GET1: variants seen among roughly 807,000 people sequenced by gnomAD.
GET1 encodes the protein congenital heart disease 5 protein.
GET1 carries 20 observed loss-of-function variants against 22.6 expected under a neutral mutation model. The ratio of observed to expected loss-of-function variants is 0.89; its 90% CI spans 0.62 to 1.29. The LOEUF is 1.29. GET1 is among the 50% of genes most tolerant of loss of function. GET1 has a pLI of 0.00. For missense variants in GET1, 209 were observed against 219.9 expected, an observed-to-expected ratio of 0.95 and a Z score of 0.31; for synonymous variants, 92 against 83.8, an observed-to-expected ratio of 1.10 and a Z score of -0.53.
chr21:39,424,011 G>A (rs1055982812), intron 1 of GET1, among the ~76,000 whole-genome samples: 7 of 151,964 alleles, frequency 4.6e-5, no homozygotes, highest in Admixed American at 3.3e-4. Context: ...TTTTTTAAAT[G>A]TTTATTTTTA....
intron 4 of GET1, among the ~76,000 whole-genome samples, chr21:39,403,015 C>CT (rs1355854931): frequency 1.3e-5 from 2 of 152,170 alleles, no homozygotes; most frequent in African/African-American, 4.8e-5. Context: ...ACGATGTGTG[C>CT]TTTCATTGTG....
chr21:39,388,601 C>T (rs184698055), intron 1 of GET1, among the ~76,000 whole-genome samples: 4 of 152,322 alleles, frequency 2.6e-5, no homozygotes, highest in Admixed American at 2.6e-4. Flanking sequence ...GCTGTGTTCT[C>T]ATTGTGTCTC....
intron 1 of GET1, among the ~76,000 whole-genome samples, chr21:39,385,026 C>T (rs370104424): frequency 1.1e-4 from 16 of 152,218 alleles, no homozygotes; most frequent in Non-Finnish European, 2.1e-4. Context: ...CTGTAAGGAA[C>T]GCGCTGGTCT....
intron 1 of GET1, chr21:39,380,935 G>GGCCA: frequency 5.3e-6 from 1 of 187,978 alleles, no homozygotes; most frequent in Non-Finnish European, 9.8e-6. Context: ...GGTAGGGTGG[G>GGCCA]AGACAGGTGT....
At chr21:39,391,177 G>GA in intron 2 of GET1, 1 of 227,522 alleles carries the variant, frequency 4.4e-6, no homozygotes, top group Non-Finnish European at 8.8e-6. Context: ...GAGAAGCCCA[G>GA]AAAAAAAGTC....
At chr21:39,393,045 G>C in intron 3 of GET1, 121 bp from the exon 4 acceptor site, 1 of 752,890 alleles carries the variant, frequency 1.3e-6, no homozygotes. Context: ...GGGTTCCTAG[G>C]CTTGAGGTGC....
Position 39,393,233 on chromosome 21 carries a change from G to A in GET1, c.404G>A (p.Trp135Ter), listed in dbSNP as rs778456342. The A allele has an allele frequency of 6.2e-7, 1 of 1,614,186 alleles. No individual in the cohort carries two copies. The highest frequency in any genetic ancestry group is 1.7e-5 in the Admixed American group (1 of 60,018). Residue 135 changes from tryptophan to a stop codon, truncating the protein, a stop_gained, in exon 4 of 5, where the codon TGG becomes TAG. Transcript: ENST00000649170. LOFTEE classifies it high-confidence loss of function. The part of the protein sequence containing the change: ...SVPVAVVPSK[W>*]ITPLDRLVAF... ...CCTGTGGCTGTCGTGCCGAGTAAAT[G>A]GATAACCCCTCTAGACCGCCTGGTA...
chr21:39,389,119 A>C (rs895033380), intron 1 of GET1, among the ~76,000 whole-genome samples: 1 of 150,824 alleles, frequency 6.6e-6, no homozygotes, highest in Non-Finnish European at 1.5e-5. Context: ...TTCCTTCACC[A>C]GGTTATGAAA....
intron 1 of GET1, chr21:39,380,973 C>T (rs992666869): frequency 1.0e-6 from 1 of 987,136 alleles, no homozygotes; most frequent in East Asian, 1.1e-4. Flanking sequence ...AGCGTGATGC[C>T]TTCAGTATCC....
In GET1 at chr21:39,380,544, G is replaced by T; in HGVS notation, c.102+58G>T. ...GGGGATGCCGCCCCAGTCCCCCGGC[G>T]GGTCTGGCGTAGGTACAGGGGTCTC... is the stretch of plus-strand genomic sequence containing the variant. On this transcript the variant is annotated intron_variant, in intron 1 of 4. Transcript: ENST00000649170. 11 of 1,568,716 alleles carry T rather than the reference G, an allele frequency of 7.0e-6. 1 individual carries two copies. The highest frequency in any genetic ancestry group is 1.7e-4 in the Middle Eastern group (1 of 5,770).
chr21:39,383,240 C>T (rs533752695), intron 1 of GET1, among the ~76,000 whole-genome samples: 339 of 151,284 alleles, frequency 2.2e-3, no homozygotes, highest in African/African-American at 7.9e-3. Flanking sequence ...AGGCTTGTGC[C>T]ACCGCGCCCA....
downstream of GET1, among the ~76,000 whole-genome samples, chr21:39,407,004 A>G (rs2039180329): frequency 6.6e-6 from 1 of 152,186 alleles, no homozygotes; most frequent in South Asian, 2.1e-4. Context: ...AGGCAGGAGG[A>G]CTGTTTGAGC....
chr21:39,419,531 AAAAAG>A (rs1464842492), intron 1 of GET1, among the ~76,000 whole-genome samples: 19 of 138,756 alleles, frequency 1.4e-4, no homozygotes, highest in African/African-American at 6.4e-4. Flanking sequence ...TTCAAAAAAA[AAAAAG>A]AAAAAAGAAA....
downstream of GET1, among the ~76,000 whole-genome samples, chr21:39,402,815 A>C (rs746862782): frequency 6.7e-6 from 1 of 149,574 alleles, no homozygotes; most frequent in African/African-American, 2.5e-5. Flanking sequence ...GCCAGAGTAG[A>C]AAACACTAAA....
intron 1 of GET1, among the ~76,000 whole-genome samples, chr21:39,417,890 C>G (rs566084572): frequency 6.6e-6 from 1 of 152,258 alleles, no homozygotes; most frequent in South Asian, 2.1e-4. Flanking sequence ...CTCAGCCTCC[C>G]AAGTAGCTGG....
intron 1 of GET1, chr21:39,423,497 AAGC>A (rs1245514725): frequency 1.3e-6 from 2 of 1,538,018 alleles, no homozygotes. Flanking sequence ...TGGCCTGTGT[AAGC>A]AGAAAATCCA....
At chr21:39,416,037 T>G (rs989108238) in intron 1 of GET1, among the ~76,000 whole-genome samples, 1 of 152,236 alleles carries the variant, frequency 6.6e-6, no homozygotes, top group Non-Finnish European at 1.5e-5. Flanking sequence ...CACTAATTCA[T>G]TAGGAGTTTC....
At position 39,391,588 on chromosome 21, in the gene GET1, A is replaced by G; in HGVS notation, c.269-181A>G. On this transcript the variant is annotated intron_variant, in intron 2 of 4. Coordinates refer to ENST00000649170, the MANE Select transcript of GET1 (RefSeq NM_004627.6). ...TCTGAGTCGGATACTATTTTAAATAATGGCATAATGAGATGGTGGGTGACT... is the reference window on the plus strand; with the variant it reads ...TCTGAGTCGGATACTATTTTAAATAGTGGCATAATGAGATGGTGGGTGACT... The G allele has an allele frequency of 1.0e-5, 6 of 602,918 alleles. 1 individual carries two copies. In the South Asian group the frequency reaches 1.2e-4, roughly 12 times the overall value. 37.3% of individuals were successfully genotyped at this position (602,918 alleles called of 1,614,324 possible).
chr21:39,420,868 A>C (rs374378384), intron 1 of GET1: 2 of 1,566,160 alleles, frequency 1.3e-6, no homozygotes, highest in Non-Finnish European at 1.7e-6. Context: ...TATTATAACT[A>C]TTCTGCAACC....
Sources: gnomAD v4.1 joint callset for allele counts (sites outside exome capture counted in the v4.1 genomes callset) on GRCh38, gnomAD v4.1.1 for gene constraint, MANE v1.5 for transcripts, NCBI Gene and HGNC (gene_info 2026-07-23, HGNC 2026-07-21) for gene names.